Variants in EGFR observed in about 807,000 individuals in gnomAD.
The protein encoded by EGFR is avian erythroblastic leukemia viral (v-erb-b) oncogene homolog.
EGFR carries 58 observed loss-of-function variants against 143.0 expected under a neutral mutation model. The observed-to-expected ratio is 0.41, with a 90% CI of 0.33 to 0.50. EGFR has a LOEUF of 0.50. EGFR is among the 20% of genes least tolerant of loss of function. The pLI is 0.39. For synonymous variants in EGFR, 613 were observed against 594.4 expected, an observed-to-expected ratio of 1.03 and a Z score of -0.45; for missense variants, 1,307 against 1,579.0, an observed-to-expected ratio of 0.83 and a Z score of 2.92.
chr7:55,120,246 G>A (rs989352388), intron 1 of EGFR, among the ~76,000 whole-genome samples: 10 of 152,134 alleles, frequency 6.6e-5, no homozygotes, highest in Admixed American at 3.3e-4. Flanking sequence ...GTTGGGGGAC[G>A]CCACCCACCC....
intron 16 of EGFR, among the ~76,000 whole-genome samples, chr7:55,172,104 G>A (rs538410903): frequency 6.6e-6 from 1 of 152,282 alleles, no homozygotes; most frequent in East Asian, 1.9e-4. Context: ...ACTCCACACT[G>A]CAATCTCAGG....
intron 1 of EGFR, chr7:55,118,906 T>A (rs529343776): frequency 7.3e-6 from 1 of 137,536 alleles, no homozygotes; most frequent in East Asian, 3.6e-4. Flanking sequence ...AAACTCATAC[T>A]AGAAAGCTAG....
At chr7:55,128,956 A>C (rs1793686909) in intron 1 of EGFR, among the ~76,000 whole-genome samples, 1 of 152,254 alleles carries the variant, frequency 6.6e-6, no homozygotes, top group African/African-American at 2.4e-5. Context: ...CATCTGTTGA[A>C]AACTTATATA....
At chr7:55,121,152 C>T (rs1793178450) in intron 1 of EGFR, among the ~76,000 whole-genome samples, 1 of 152,176 alleles carries the variant, frequency 6.6e-6, no homozygotes, top group Middle Eastern at 3.2e-3. Flanking sequence ...AACAAGAGCT[C>T]CTCACACTGT....
chr7:55,105,778 C>T (rs1460190330), intron 1 of EGFR, among the ~76,000 whole-genome samples: 1 of 152,084 alleles, frequency 6.6e-6, no homozygotes. Context: ...TTTATATTAA[C>T]CATTGTTCCA....
rs140538888 is a variant in EGFR, at chr7:55,072,683, G to A, written c.88+53318G>A. 5.3e-5 allele frequency among the ~76,000 whole-genome samples: 8 copies of A among 152,224 alleles called. No homozygotes were observed. The East Asian group carries it at 7.7e-4, about 15-fold the overall frequency. On this transcript the variant is annotated intron_variant, in intron 1 of 27. Transcript: ENST00000275493. ...TCCCATCATTTTATTACTGCTTGTC[G>A]TAGCACAAGCAGTTGCTTCATTGTG...
chr7:55,153,937 G>T lies in EGFR; in HGVS notation c.748-74G>T, dbSNP rs567790804. ...GGGCTTTCTGACGGGAGTCAACACC[G>T]TGCTGCGCTTCCTCCGTGTGTGGCG... On this transcript the variant is annotated intron_variant, in intron 6 of 27. Coordinates refer to ENST00000275493, the MANE Select transcript of EGFR (RefSeq NM_005228.5). The T allele has an allele frequency of 1.0e-5, 16 of 1,607,344 alleles. No individual in the cohort carries two copies. The Admixed American group carries it at 1.0e-4, about 10-fold the overall frequency.
At chr7:55,110,538 T>G (rs986304983) in intron 1 of EGFR, among the ~76,000 whole-genome samples, 7 of 152,202 alleles carry the variant, frequency 4.6e-5, no homozygotes, top group Non-Finnish European at 8.8e-5. Context: ...TTGTTTCCCA[T>G]GTTAAATGTC....
intron 25 of EGFR, 102 bp downstream of exon 25, chr7:55,201,457 T>C: frequency 2.6e-6 from 4 of 1,523,798 alleles, no homozygotes; most frequent in Non-Finnish European, 3.6e-6. Flanking sequence ...CACATGGATA[T>C]GAAGTCAATT....
At chr7:55,152,713 C>T (rs1274778005) in intron 6 of EGFR, 49 bp downstream of exon 6, 18 of 1,490,540 alleles carry the variant, frequency 1.2e-5, no homozygotes, top group African/African-American at 5.5e-5. Flanking sequence ...GGGCTGCACC[C>T]GCCCCACCCA....
At chr7:55,201,431 A>G in intron 25 of EGFR, 76 bp downstream of exon 25, 1 of 1,598,946 alleles carries the variant, frequency 6.3e-7, no homozygotes, top group Non-Finnish European at 8.6e-7. Context: ...AGGGAAAATA[A>G]CCATCTAGTG....
At chr7:55,039,240 A>G (rs951461780) in intron 1 of EGFR, among the ~76,000 whole-genome samples, 1 of 152,232 alleles carries the variant, frequency 6.6e-6, no homozygotes, top group African/African-American at 2.4e-5. Context: ...GGGCATCAGT[A>G]AGGCTTTCTA....
chr7:55,151,273 T>A lies in EGFR; in HGVS notation c.560-21T>A, dbSNP rs747000271. The A allele has an allele frequency of 6.8e-6, 11 of 1,613,472 alleles. No individual in the cohort carries two copies. In the South Asian group the frequency reaches 1.2e-4, roughly 18 times the overall value. ...TCTCATCATTTCACTGAGATATGCA[T>A]CTATTACTTTTACATTTCAGGCCAA... On this transcript the variant is annotated intron_variant, in intron 4 of 27. Transcript: ENST00000275493.
At chr7:55,098,208 A>C (rs1437333546) in intron 1 of EGFR, among the ~76,000 whole-genome samples, 1 of 152,216 alleles carries the variant, frequency 6.6e-6, no homozygotes, top group Non-Finnish European at 1.5e-5. Flanking sequence ...GCTTCGTTAG[A>C]AACTGAAAGC....
At chr7:55,073,284 A>G (rs1208666876) in intron 1 of EGFR, among the ~76,000 whole-genome samples, 1 of 152,242 alleles carries the variant, frequency 6.6e-6, no homozygotes, top group Non-Finnish European at 1.5e-5. Context: ...TGCCTTGCAC[A>G]AGTTATCAAG....
chr7:55,109,700 T>C, intron 1 of EGFR: 1 of 983,668 alleles, frequency 1.0e-6, no homozygotes, highest in Non-Finnish European at 1.2e-6. Context: ...AGGTATAAAC[T>C]TTTGACTCAC....
chr7:55,166,170 A>AAAAAC (rs1785971547), intron 15 of EGFR: 5 of 463,622 alleles, frequency 1.1e-5, no homozygotes, highest in Admixed American at 3.1e-5. Flanking sequence ...AAAACAAAAA[A>AAAAAC]AAAAGCTACT....
intron 4 of EGFR, among the ~76,000 whole-genome samples, chr7:55,150,375 A>G (rs184874865): frequency 5.9e-4 from 90 of 152,246 alleles, no homozygotes; most frequent in Non-Finnish European, 1.1e-3. Flanking sequence ...CCCGGCCTTC[A>G]TGTCTCTAAG....
intron 19 of EGFR, among the ~76,000 whole-genome samples, chr7:55,178,029 T>C (rs1229094363): frequency 3.3e-5 from 5 of 152,270 alleles, no homozygotes; most frequent in South Asian, 2.1e-4. Context: ...CTGGCGGGGC[T>C]CCAGGCTCTG....
Sources: gnomAD v4.1 joint callset for allele counts (sites outside exome capture counted in the v4.1 genomes callset) on GRCh38, gnomAD v4.1.1 for gene constraint, MANE v1.5 for transcripts, NCBI Gene and HGNC (gene_info 2026-07-23, HGNC 2026-07-21) for gene names.